The following MCIDAS variants were observed in gnomAD, a reference collection of about 807,000 sequenced individuals.
MCIDAS encodes the protein multiciliate differentiation and DNA synthesis associated cell cycle protein, also known as multicilin.
A neutral mutation model predicts 35.4 loss-of-function variants in MCIDAS; 23 were observed. That is an observed-to-expected ratio of 0.65 (90% CI 0.47 to 0.92). The LOEUF is 0.92. Among genes scored for constraint, MCIDAS ranks in the 40% least tolerant of loss-of-function variants. The pLI, the probability that MCIDAS is intolerant of heterozygous loss-of-function variation, is 0.00. For missense variants in MCIDAS, 480 were observed against 531.8 expected (o/e 0.90, Z 0.96); for synonymous variants, 228 against 235.2 (o/e 0.97, Z 0.28).
Position 55,220,752 on chromosome 5 carries a change from G to T in MCIDAS, c.772C>A (p.Leu258Ile), listed in dbSNP as rs1745339253. 3.9e-6 allele frequency: 6 copies of T among 1,534,872 alleles called. No homozygotes were observed. Among genetic ancestry groups the T allele is most frequent in the Non-Finnish European group, 5.2e-6 (6 of 1,145,878 alleles). The change falls in exon 7 of 7, where the codon CTC (leucine) becomes ATC (isoleucine). Residue 258 changes from leucine (L) to isoleucine (I), a missense_variant. By Grantham distance (5) the Leu-to-Ile change is conservative (BLOSUM62 2). Coordinates refer to ENST00000513312, the MANE Select transcript of MCIDAS (RefSeq NM_001190787.3). ...AGGCTCCTTTTGGCCTTCGCCTTGA[G>T]CAGGAAGGGCTCGGCCGCCGCCCCA... ...DCGAAAEPFLLKAKAKRSLEE... is the reference protein window; with the variant it reads ...DCGAAAEPFLIKAKAKRSLEE...
At chr5:55,224,687 C>G (rs78437215) in intron 3 of MCIDAS, among the ~76,000 whole-genome samples, 1 of 152,158 alleles carries the variant, frequency 6.6e-6, no homozygotes, top group African/African-American at 2.4e-5. Context: ...CCTCTTATGC[C>G]AATCCAGGTG....
chr5:55,224,210 C>T (rs140810259), intron 3 of MCIDAS, among the ~76,000 whole-genome samples: 1 of 152,040 alleles, frequency 6.6e-6, no homozygotes, highest in African/African-American at 2.4e-5. Flanking sequence ...CCGAAGACAG[C>T]ACTGGGAAGG....
intron 5 of MCIDAS, among the ~76,000 whole-genome samples, chr5:55,221,843 T>A (rs1745361921): frequency 6.6e-6 from 1 of 151,954 alleles, no homozygotes. Flanking sequence ...GAGAATGGCT[T>A]GAGCCTGGGA....
intron 3 of MCIDAS, among the ~76,000 whole-genome samples, chr5:55,225,966 C>CT (rs1745447645): frequency 6.6e-6 from 1 of 152,310 alleles, no homozygotes; most frequent in Admixed American, 6.5e-5. Context: ...CGGCAAGTGA[C>CT]TAGAGCTTTT....
chr5:55,227,023 C>T lies in MCIDAS; in HGVS notation c.116G>A (p.Arg39Lys), dbSNP rs1336637419. The change falls in exon 1 of 7, where the codon AGG becomes AAG. Residue 39 changes from arginine (R) to lysine (K), a missense_variant. Physicochemically the swap from Arg to Lys is conservative, Grantham distance 26 (BLOSUM62 2). Transcript: ENST00000513312. ...GGCCCGAATCAACCGCCCCACCTTC[C>T]TCTCCGGCTTCCCCGGCTTGCAGAG... ...ALLCKPGKPE[R>K]KFAPPRKFFP... The T allele has an allele frequency of 2.6e-6, 4 of 1,520,232 alleles. No homozygotes were observed. The South Asian group carries it at 4.8e-5, about 18-fold the overall frequency. 94.2% of individuals were successfully genotyped at this position (1,520,232 alleles called of 1,614,324 possible). A position where few individuals can be genotyped will look rare whatever the true frequency, so the allele number is the denominator to read the frequency against.
In MCIDAS at chr5:55,223,047, C is replaced by G. The variant is rs1363557661; in HGVS notation, c.310-24G>C. The G allele has an allele frequency of 6.5e-7, 1 of 1,528,564 alleles. No individual in the cohort carries two copies. The highest frequency in any genetic ancestry group is 1.2e-5 in the South Asian group (1 of 83,804). 94.7% of individuals were successfully genotyped at this position (1,528,564 alleles called of 1,614,324 possible). A position where few individuals can be genotyped will look rare whatever the true frequency, so the allele number is the denominator to read the frequency against. The stretch of plus-strand genomic sequence containing the variant: ...TTCTGAAAAAAACCAGAGGTGTACA[C>G]TGGTTAACGAGTCTGGCGTTAGAAA... On this transcript the variant is annotated intron_variant, in intron 3 of 6. Transcript: ENST00000513312. This position sits in a 1 kb window ranked among gnomAD's most constrained non-coding sequence, Gnocchi z 4.4.
rs1259163894 is a variant in MCIDAS, at chr5:55,222,449, A to G, written c.383-50T>C. On this transcript the variant is annotated intron_variant, in intron 4 of 6. Coordinates refer to ENST00000513312, the MANE Select transcript of MCIDAS (RefSeq NM_001190787.3). ...TGCAGCCTCAAATTCATGCCCAGCT[A>G]GTTACAGGAGCAAAATGCCACTCTG... 14 of 1,398,052 alleles carry G rather than the reference A, an allele frequency of 1.0e-5. No homozygotes were observed. The African/African-American group carries it at 1.7e-4, about 17-fold the overall frequency. The allele number at this position is 1,398,052 out of a possible 1,614,324, so 86.6% of individuals were successfully genotyped here.
intron 3 of MCIDAS, among the ~76,000 whole-genome samples, chr5:55,226,358 C>A (rs776596453): frequency 1.3e-5 from 2 of 152,116 alleles, no homozygotes; most frequent in Non-Finnish European, 2.9e-5. Context: ...TCAAGTTGGT[C>A]AAATCAGCTC....
chr5:55,221,912 G>A (rs1214405256), intron 5 of MCIDAS, among the ~76,000 whole-genome samples: 7 of 151,694 alleles, frequency 4.6e-5, no homozygotes, highest in African/African-American at 1.2e-4. Context: ...GCGACAGAGC[G>A]AGACTCCGTC....
chr5:55,223,650 G>A lies in MCIDAS; in HGVS notation c.310-627C>T, dbSNP rs1386084351. Among the ~76,000 whole-genome samples the A allele has an allele frequency of 6.6e-6, 1 of 152,228 alleles. No individual in the cohort carries two copies. Among genetic ancestry groups the A allele is most frequent in the Non-Finnish European group, 1.5e-5 (1 of 68,028 alleles). ...TCCACCCAAGACCCGACAGCGTGCAGGGGCCTCGAGCAGTAATTTGAGGCC... is the reference window on the plus strand; with the variant it reads ...TCCACCCAAGACCCGACAGCGTGCAAGGGCCTCGAGCAGTAATTTGAGGCC... On this transcript the variant is annotated intron_variant, in intron 3 of 6. Coordinates refer to ENST00000513312, the MANE Select transcript of MCIDAS (RefSeq NM_001190787.3). The surrounding 1 kb of genome is among the most constrained non-coding windows in gnomAD (Gnocchi z 4.4).
chr5:55,220,175 A>C lies in MCIDAS; in HGVS notation c.*191T>G. The C allele has an allele frequency of 1.7e-6, 1 of 598,042 alleles. No individual in the cohort carries two copies. The highest frequency in any genetic ancestry group is 2.3e-5 in the South Asian group (1 of 44,430). 37.0% of individuals were successfully genotyped at this position (598,042 alleles called of 1,614,324 possible). A position where few individuals can be genotyped will look rare whatever the true frequency, so the allele number is the denominator to read the frequency against. ...ATGTGACATATACATATATAAACAG[A>C]GTTTCACTGTGACAAGGGGAGGGGC... On this transcript the variant is annotated 3_prime_UTR_variant, in exon 7 of 7. Coordinates refer to ENST00000513312, the MANE Select transcript of MCIDAS (RefSeq NM_001190787.3).
rs75132370 is a variant in MCIDAS, at chr5:55,223,283, A to G, written c.310-260T>C. Among the ~76,000 whole-genome samples, 992 of 152,116 alleles carry G rather than the reference A, an allele frequency of 6.5e-3. 12 individuals carry two copies. The highest frequency in any genetic ancestry group is 0.023 in the African/African-American group (942 of 41,498). ...TCGCCAGCCCAGTCTCGTACCCGAA[A>G]ATTCAAGCCCCATCCGAGACAGGGA... On this transcript the variant is annotated intron_variant, in intron 3 of 6. Transcript: ENST00000513312. This position sits in a 1 kb window ranked among gnomAD's most constrained non-coding sequence, Gnocchi z 4.4.
chr5:55,220,395 C>T lies in MCIDAS; in HGVS notation c.1129G>A (p.Gly377Ser). 6.5e-7 allele frequency: 1 copy of T among 1,535,792 alleles called. No individual in the cohort carries two copies. The change falls in exon 7 of 7, where the codon GGT becomes AGT. Residue 377 changes from glycine to serine, a missense_variant. By Grantham distance (56) the Gly-to-Ser change is moderately conservative. Coordinates refer to ENST00000513312, the MANE Select transcript of MCIDAS (RefSeq NM_001190787.3). ...CTGGGGACCCAGCGGAACTTGTAAC[C>T]CCCGTTGGCTGTTCTGATGGTGAAG... ...NAFTIRTANGGYKFRWVPS is the reference protein window; with the variant it reads ...NAFTIRTANGSYKFRWVPS
At chr5:55,226,744 G>A (rs921285603) in intron 2 of MCIDAS, 77 bp from the exon 3 acceptor site, 145 of 1,408,432 alleles carry the variant, frequency 1.0e-4, no homozygotes, top group Non-Finnish European at 1.3e-4. Flanking sequence ...GGACGTCAGA[G>A]CCCGGGGGAG....
chr5:55,220,660 G>C lies in MCIDAS; in HGVS notation c.864C>G (p.Ser288=), dbSNP rs1486362607. The C allele has an allele frequency of 2.0e-6, 3 of 1,536,086 alleles. No homozygotes were observed. The highest frequency in any genetic ancestry group is 1.4e-5 in the African/African-American group (1 of 73,172). Residue 288 remains serine, a synonymous_variant, in exon 7 of 7, where the codon TCC becomes TCG. Coordinates refer to ENST00000513312, the MANE Select transcript of MCIDAS (RefSeq NM_001190787.3). ...TCTGAAGGGCTTCATCGCAGCGCTC[G>C]GAAATCTCCCTCAGGATGGCGTCCA... ...AEVDAILREI[S]ERCDEALQSR...
At position 55,223,836 on chromosome 5, in the gene MCIDAS, G is replaced by T. The variant is rs1040472908; in HGVS notation, c.310-813C>A. On this transcript the variant is annotated intron_variant, in intron 3 of 6. Coordinates refer to ENST00000513312, the MANE Select transcript of MCIDAS (RefSeq NM_001190787.3). This position sits in a 1 kb window ranked among gnomAD's most constrained non-coding sequence, Gnocchi z 4.4. ...CTCTTTCAGTTTCCCAAAAAGTTGG[G>T]AGTACTCTTTTCTCGTACAGCCGGT... is the stretch of plus-strand genomic sequence containing the variant. Among the ~76,000 whole-genome samples the T allele has an allele frequency of 6.6e-6, 1 of 152,156 alleles. No individual in the cohort carries two copies. The highest frequency in any genetic ancestry group is 1.9e-4 in the East Asian group (1 of 5,188).
rs1006897380 is a variant in MCIDAS, at chr5:55,226,682, C to G, written c.218-15G>C. The G allele has an allele frequency of 9.5e-6, 14 of 1,477,800 alleles. No individual in the cohort carries two copies. Among genetic ancestry groups the G allele is most frequent in the Non-Finnish European group, 1.1e-5 (12 of 1,119,768 alleles). The allele number at this position is 1,477,800 out of a possible 1,614,324, so 91.5% of individuals were successfully genotyped here. A position where few individuals can be genotyped will look rare whatever the true frequency, so the allele number is the denominator to read the frequency against. ...GGTGGTGAGGGCTGCGCGGGGAGAC[C>G]GGGAGACACGCGCCGGGCGGGCCCT... is the stretch of plus-strand genomic sequence containing the variant. On this transcript the variant is annotated splice_polypyrimidine_tract_variant and intron_variant, in intron 2 of 6. Coordinates refer to ENST00000513312, the MANE Select transcript of MCIDAS (RefSeq NM_001190787.3).
At position 55,226,627 on chromosome 5, in the gene MCIDAS, A is replaced by G. The variant is rs1251492987; in HGVS notation, c.258T>C (p.Ser86=). 1 of 1,532,948 alleles carries G rather than the reference A, an allele frequency of 6.5e-7. No homozygotes were observed. The highest frequency in any genetic ancestry group is 8.7e-7 in the Non-Finnish European group (1 of 1,145,504). 95.0% of individuals were successfully genotyped at this position (1,532,948 alleles called of 1,614,324 possible). A position where few individuals can be genotyped will look rare whatever the true frequency, so the allele number is the denominator to read the frequency against. Reference sequence around the variant, plus strand: ...GCGGCGCGTCGGACCCGAGTAGCGAAGAGCAGTCAGCGAGGTCCTGCAGGT... The same window carrying G: ...GCGGCGCGTCGGACCCGAGTAGCGAGGAGCAGTCAGCGAGGTCCTGCAGGT... ...TIDLQDLADC[S]SLLGSDAPPG... Residue 86 remains serine, a synonymous_variant, in exon 3 of 7, where the codon TCT becomes TCC. Transcript: ENST00000513312.
chr5:55,224,151 T>C (rs1341587022), intron 3 of MCIDAS, among the ~76,000 whole-genome samples: 2 of 152,034 alleles, frequency 1.3e-5, no homozygotes, highest in Admixed American at 6.5e-5. Context: ...CCTGCCTCCA[T>C]ACTTCATTTC....
Sources: allele counts gnomAD v4.1 joint callset (sites outside exome capture counted in the v4.1 genomes callset), GRCh38; gene constraint gnomAD v4.1.1; non-coding constraint Gnocchi (gnomAD v3.1); transcripts MANE v1.5; gene names NCBI Gene and HGNC (gene_info 2026-07-23, HGNC 2026-07-21).